RUNX2: variants seen among roughly 807,000 people sequenced by gnomAD.
The protein encoded by RUNX2 is RUNX family transcription factor 2.
RUNX2 carries 10 observed loss-of-function variants against 51.7 expected under a neutral mutation model. The observed-to-expected ratio is 0.19, with a 90% confidence interval of 0.12 to 0.33. The LOEUF is 0.33. Ranked by LOEUF, RUNX2 falls within the 10% of genes least tolerant of loss-of-function variation. The probability of loss-of-function intolerance (pLI) is 1.00; values close to 1 mark genes in which losing one functional copy is unlikely to be tolerated. For synonymous variants in RUNX2, 276 were observed against 273.6 expected (o/e 1.01, Z -0.09); for missense variants, 562 against 691.3 (o/e 0.81, Z 2.10).
chr6:45,484,701 A>T (rs1245987144), intron 5 of RUNX2, among the ~76,000 whole-genome samples: 1 of 152,182 alleles, frequency 6.6e-6, no homozygotes, highest in African/African-American at 2.4e-5. Context: ...AGATACAGTA[A>T]GGCTCATCCT....
intron 3 of RUNX2, among the ~76,000 whole-genome samples, chr6:45,428,678 A>G (rs182142521): frequency 9.7e-4 from 147 of 152,268 alleles, no homozygotes; most frequent in Non-Finnish European, 1.6e-3. Flanking sequence ...AGTAAAATGG[A>G]TGTATGTATT....
In RUNX2 at chr6:45,455,625, C is replaced by A. The variant is rs186782882; in HGVS notation, c.685+17574C>A. 6.6e-5 allele frequency among the ~76,000 whole-genome samples: 10 copies of A among 152,190 alleles called. No homozygotes were observed. The East Asian group carries it at 1.9e-3, about 29-fold the overall frequency. ...AGCACCCGTAAAGGTCCATAAAGGG[C>A]TTAATTTGTAGTCCTTTTATTTATC... On this transcript the variant is annotated intron_variant, in intron 5 of 8. Transcript: ENST00000647337.
chr6:45,356,519 T>C (rs1025401915), intron 2 of RUNX2, among the ~76,000 whole-genome samples: 5 of 152,122 alleles, frequency 3.3e-5, no homozygotes, highest in African/African-American at 1.2e-4. Flanking sequence ...TGCCTCAGCC[T>C]CCTGAGTAGC....
At position 45,512,502 on chromosome 6, in the gene RUNX2, C is replaced by G; in HGVS notation, c.1021+95C>G. 6 of 1,363,920 alleles carry G rather than the reference C, an allele frequency of 4.4e-6. No individual in the cohort carries two copies. The Admixed American group carries it at 1.1e-4, about 24-fold the overall frequency. 84.5% of individuals were successfully genotyped at this position (1,363,920 alleles called of 1,614,324 possible). ...TGTCTCATCCATGCTCACAGTGACT[C>G]TCTATTAGAGGCATGTGGGCAAGGG... On this transcript the variant is annotated intron_variant, in intron 7 of 8. Coordinates refer to ENST00000647337, the MANE Select transcript of RUNX2 (RefSeq NM_001024630.4).
chr6:45,428,762 A>AT (rs948841243), intron 3 of RUNX2, among the ~76,000 whole-genome samples: 4 of 151,488 alleles, frequency 2.6e-5, no homozygotes, highest in African/African-American at 9.7e-5. Flanking sequence ...CTAAAAAAAA[A>AT]TTCATTATGT....
chr6:45,372,131 A>G, intron 2 of RUNX2: 1 of 522,026 alleles, frequency 1.9e-6, no homozygotes, highest in Non-Finnish European at 2.5e-6. Context: ...CCACAATGGA[A>G]GCAGTAAAGA....
At chr6:45,454,694 G>GTT (rs1342165913) in intron 5 of RUNX2, among the ~76,000 whole-genome samples, 1 of 152,214 alleles carries the variant, frequency 6.6e-6, no homozygotes, top group Non-Finnish European at 1.5e-5. Context: ...ATGTGTGTGT[G>GTT]TATGTACTTT....
chr6:45,474,046 C>T (rs919267291), intron 5 of RUNX2, among the ~76,000 whole-genome samples: 7 of 152,162 alleles, frequency 4.6e-5, no homozygotes, highest in Non-Finnish European at 1.0e-4. Context: ...AAAAATTGCC[C>T]TTAATCCAGT....
rs1165147663 is a variant in RUNX2 at position 45,405,279 on chromosome 6, A to G, written c.59-17314A>G. ...GTATTATTTAATACTTCCGGCAGCA[A>G]ATATCATCTCTTCATTTAGACCATC... On this transcript the variant is annotated intron_variant, in intron 2 of 8. Transcript: ENST00000647337. Among the ~76,000 whole-genome samples, 3 of 152,222 alleles carry G rather than the reference A, an allele frequency of 2.0e-5. No individual in the cohort carries two copies. In the East Asian group the frequency reaches 5.8e-4, roughly 29 times the overall value.
chr6:45,355,138 C>CTT (rs1205511889), intron 2 of RUNX2, among the ~76,000 whole-genome samples: 2,752 of 131,628 alleles, frequency 0.021, 39 homozygotes, highest in Non-Finnish European at 0.034. Context: ...AAAGACCTGG[C>CTT]TTTTTTTTTT....
intron 2 of RUNX2, among the ~76,000 whole-genome samples, chr6:45,366,307 C>T (rs527274992): frequency 2.1e-4 from 32 of 152,284 alleles, no homozygotes; most frequent in African/African-American, 6.0e-4. Flanking sequence ...ATCCCAGCTC[C>T]GCTCCTTTGC....
intron 2 of RUNX2, among the ~76,000 whole-genome samples, chr6:45,387,938 C>G (rs1054965585): frequency 6.6e-6 from 1 of 152,140 alleles, no homozygotes; most frequent in African/African-American, 2.4e-5. Context: ...TTGGAAAGTC[C>G]TATAAGTTCC....
At chr6:45,423,001 A>T (rs1358943389) in intron 3 of RUNX2, 44 bp downstream of exon 3, 2 of 1,586,452 alleles carry the variant, frequency 1.3e-6, no homozygotes, top group Admixed American at 3.4e-5. Flanking sequence ...GGAGCGGCGG[A>T]ACCTGCCCGC....
At chr6:45,431,451 A>T (rs1025311160) in intron 3 of RUNX2, among the ~76,000 whole-genome samples, 1 of 152,166 alleles carries the variant, frequency 6.6e-6, no homozygotes, top group Non-Finnish European at 1.5e-5. Context: ...TTAGCCTGTG[A>T]TGGGATAAGA....
chr6:45,520,728 C>CT (rs914103409), intron 7 of RUNX2, among the ~76,000 whole-genome samples: 24 of 150,022 alleles, frequency 1.6e-4, no homozygotes, highest in South Asian at 2.1e-4. Context: ...ACATATCTTT[C>CT]TTTTTTTTTT....
chr6:45,497,276 G>A (rs1800674607), intron 6 of RUNX2, among the ~76,000 whole-genome samples: 1 of 152,060 alleles, frequency 6.6e-6, no homozygotes, highest in Non-Finnish European at 1.5e-5. Context: ...AATGAAAGTT[G>A]ATTTTCCCTG....
intron 2 of RUNX2, among the ~76,000 whole-genome samples, chr6:45,409,699 A>G (rs1287827483): frequency 6.6e-6 from 1 of 152,224 alleles, no homozygotes; most frequent in Non-Finnish European, 1.5e-5. Flanking sequence ...AATAATATGA[A>G]AATTTCCTAT....
intron 5 of RUNX2, among the ~76,000 whole-genome samples, chr6:45,461,972 G>T (rs1430782359): frequency 6.6e-6 from 1 of 152,030 alleles, no homozygotes. Context: ...ACCAGATTTG[G>T]CTTGTCCAGC....
intron 7 of RUNX2, among the ~76,000 whole-genome samples, chr6:45,527,656 T>A (rs1801711966): frequency 6.6e-6 from 1 of 152,232 alleles, no homozygotes; most frequent in South Asian, 2.1e-4. Context: ...AGGAGTTACT[T>A]GATTTATTAA....
Sources: gnomAD v4.1 joint callset for allele counts (sites outside exome capture counted in the v4.1 genomes callset) on GRCh38, gnomAD v4.1.1 for gene constraint, MANE v1.5 for transcripts, NCBI Gene and HGNC (gene_info 2026-07-23, HGNC 2026-07-21) for gene names.